Variants in MYOF observed in about 807,000 individuals in gnomAD.
MYOF encodes the protein myoferlin.
In MYOF, 244 loss-of-function variants were observed where a neutral mutation model predicts 284.2. The observed-to-expected ratio is 0.86, with a 90% CI of 0.77 to 0.95. The LOEUF is 0.95. Ranked by LOEUF, MYOF falls within the 40% of genes least tolerant of loss-of-function variation. The probability of loss-of-function intolerance (pLI) is 0.00; values close to 1 mark genes in which losing one functional copy is unlikely to be tolerated. For missense variants in MYOF, 2,496 were observed against 2,560.6 expected (o/e 0.97, Z 0.54); for synonymous variants, 904 against 919.7 (o/e 0.98, Z 0.31).
At chr10:93,330,704 G>C (rs1389613189) in intron 43 of MYOF, among the ~76,000 whole-genome samples, 1 of 152,220 alleles carries the variant, frequency 6.6e-6, no homozygotes, top group Non-Finnish European at 1.5e-5. Context: ...TCCACAGAGG[G>C]ACAGTCCCGG....
chr10:93,450,513 G>A (rs1037046438), intron 3 of MYOF, among the ~76,000 whole-genome samples: 1 of 152,228 alleles, frequency 6.6e-6, no homozygotes, highest in Admixed American at 6.5e-5. Context: ...GGCGGAGGTT[G>A]CGGTAAGCTG....
intron 19 of MYOF, among the ~76,000 whole-genome samples, chr10:93,384,056 T>A (rs1053366869): frequency 1.3e-5 from 2 of 151,972 alleles, no homozygotes; most frequent in African/African-American, 4.8e-5. Context: ...TCAGCACAAT[T>A]CCCAACAGAG....
intron 49 of MYOF, among the ~76,000 whole-genome samples, chr10:93,319,371 C>T (rs759561056): frequency 2.2e-4 from 34 of 152,172 alleles, no homozygotes; most frequent in Non-Finnish European, 4.1e-4. Flanking sequence ...TTTCTGGTGT[C>T]AGCCAGTTTG....
intron 1 of MYOF, among the ~76,000 whole-genome samples, chr10:93,460,639 C>T (rs1028586060): frequency 7.9e-5 from 12 of 151,862 alleles, no homozygotes; most frequent in Admixed American, 2.6e-4. Context: ...TGGTGGTGGA[C>T]GCCTGCAGTC....
intron 1 of MYOF, among the ~76,000 whole-genome samples, chr10:93,478,752 G>A (rs1204520488): frequency 6.7e-6 from 1 of 150,074 alleles, no homozygotes; most frequent in African/African-American, 2.5e-5. Context: ...GATCGCTTGA[G>A]CCCAGGAGTT....
chr10:93,384,684 A>G (rs1044613039), intron 19 of MYOF, among the ~76,000 whole-genome samples: 6 of 150,994 alleles, frequency 4.0e-5, no homozygotes, highest in Non-Finnish European at 5.9e-5. Context: ...GTTGTAGTCT[A>G]TTGGACTTAG....
intron 5 of MYOF, among the ~76,000 whole-genome samples, chr10:93,414,973 A>C (rs1848057417): frequency 6.6e-6 from 1 of 151,956 alleles, no homozygotes; most frequent in Admixed American, 6.6e-5. Context: ...CGAACTCCTG[A>C]CCTCAAGTGA....
chr10:93,318,577 G>A (rs890385670), intron 49 of MYOF, among the ~76,000 whole-genome samples: 2 of 152,010 alleles, frequency 1.3e-5, no homozygotes, highest in East Asian at 1.9e-4. Context: ...TGACCAACAC[G>A]GAGAAACCCC....
chr10:93,348,059 T>C (rs1844318237), intron 36 of MYOF, among the ~76,000 whole-genome samples: 1 of 152,230 alleles, frequency 6.6e-6, no homozygotes, highest in Non-Finnish European at 1.5e-5. Flanking sequence ...ATTGTTGAAT[T>C]ACTCTATGTG....
At chr10:93,463,238 A>G (rs1589608565) in intron 1 of MYOF, among the ~76,000 whole-genome samples, 1 of 151,944 alleles carries the variant, frequency 6.6e-6, no homozygotes, top group Non-Finnish European at 1.5e-5. Context: ...CTGTTCACCT[A>G]CCAGCCAGTG....
At chr10:93,378,858 T>C (rs572618849) in intron 21 of MYOF, among the ~76,000 whole-genome samples, 2 of 151,588 alleles carry the variant, frequency 1.3e-5, no homozygotes, top group South Asian at 4.2e-4. Context: ...GATTATAGGC[T>C]CACATCACCA....
At position 93,482,312 on chromosome 10, in the gene MYOF, C is replaced by T; in HGVS notation, c.-118G>A. 1.1e-6 allele frequency: 1 copy of T among 936,124 alleles called. No homozygotes were observed. The highest frequency in any genetic ancestry group is 2.3e-5 in the Admixed American group (1 of 42,964). The allele number at this position is 936,124 out of a possible 1,614,324, so 58.0% of individuals were successfully genotyped here. ...CTCCCAGTGAAGGGAGGATTTCTCC[C>T]AGGGCAAGGAAGGGGAAAAGGCAAA... On this transcript the variant is annotated 5_prime_UTR_variant, in exon 1 of 54. Coordinates refer to ENST00000359263, the MANE Select transcript of MYOF (RefSeq NM_013451.4).
At chr10:93,341,556 C>T (rs1328577161) in intron 38 of MYOF, among the ~76,000 whole-genome samples, 2 of 152,162 alleles carry the variant, frequency 1.3e-5, no homozygotes, top group African/African-American at 2.4e-5. Flanking sequence ...GGATTACAGG[C>T]GTAAGCCACT....
At chr10:93,388,479 T>C (rs963315181) in intron 18 of MYOF, among the ~76,000 whole-genome samples, 5 of 152,152 alleles carry the variant, frequency 3.3e-5, no homozygotes, top group African/African-American at 9.7e-5. Context: ...GTGCTGGCAA[T>C]AGAACCTTCT....
At chr10:93,383,666 T>C (rs1846227993) in intron 19 of MYOF, among the ~76,000 whole-genome samples, 1 of 152,204 alleles carries the variant, frequency 6.6e-6, no homozygotes, top group African/African-American at 2.4e-5. Flanking sequence ...TAGTCATAAC[T>C]ACATACAGCA....
At chr10:93,475,161 G>A (rs2057232086) in intron 1 of MYOF, among the ~76,000 whole-genome samples, 1 of 152,212 alleles carries the variant, frequency 6.6e-6, no homozygotes, top group Non-Finnish European at 1.5e-5. Context: ...TGCCCAGTAA[G>A]AAGTTAATTG....
Position 93,306,945 on chromosome 10 carries a change from A to G in MYOF, c.*18T>C, listed in dbSNP as rs1189610584. 1 of 1,611,492 alleles carries G rather than the reference A, an allele frequency of 6.2e-7. No individual in the cohort carries two copies. The highest frequency in any genetic ancestry group is 8.5e-7 in the Non-Finnish European group (1 of 1,177,948). On this transcript the variant is annotated 3_prime_UTR_variant, in exon 54 of 54. Transcript: ENST00000359263. ...CTCTCATTGCTGGATGACTCTTGAA[A>G]TGAAGCCTTTGCCTTTGTTACACAT...
At chr10:93,423,383 C>T (rs902169535) in intron 5 of MYOF, among the ~76,000 whole-genome samples, 3 of 151,440 alleles carry the variant, frequency 2.0e-5, no homozygotes, top group Non-Finnish European at 2.9e-5. Flanking sequence ...AAAAATTAAG[C>T]GGGTGTGGTC....
chr10:93,400,985 T>A (rs1847266704), intron 12 of MYOF, among the ~76,000 whole-genome samples: 1 of 151,680 alleles, frequency 6.6e-6, no homozygotes, highest in Non-Finnish European at 1.5e-5. Flanking sequence ...CCCAGGTAGC[T>A]GGGATTATAG....
Sources: allele counts gnomAD v4.1 joint callset (sites outside exome capture counted in the v4.1 genomes callset), GRCh38; gene constraint gnomAD v4.1.1; transcripts MANE v1.5; gene names NCBI Gene and HGNC (gene_info 2026-07-23, HGNC 2026-07-21).